GSDME: variants seen among roughly 807,000 people sequenced by gnomAD.
GSDME encodes gasdermin E, also known as gasdermin-E.
GSDME carries 44 observed loss-of-function variants against 47.5 expected under a neutral mutation model. The ratio of observed to expected loss-of-function variants is 0.93; its 90% CI spans 0.73 to 1.19. GSDME has a LOEUF of 1.19. Among genes scored for constraint, GSDME ranks in the 50% most tolerant of loss-of-function variants. GSDME has a pLI of 0.00. For synonymous variants in GSDME, 258 were observed against 252.8 expected, an observed-to-expected ratio of 1.02 and a Z score of -0.20; for missense variants, 663 against 604.2, an observed-to-expected ratio of 1.10 and a Z score of -1.02.
At chr7:24,707,084 A>T (rs181955539) in intron 7 of GSDME, among the ~76,000 whole-genome samples, 42 of 152,322 alleles carry the variant, frequency 2.8e-4, no homozygotes, top group African/African-American at 9.9e-4. Flanking sequence ...CCCACCCTCT[A>T]GAATGCAAAT....
chr7:24,745,127 C>T lies in GSDME; in HGVS notation c.212-373G>A, dbSNP rs559693043. Among the ~76,000 whole-genome samples the T allele has an allele frequency of 1.8e-4, 27 of 152,028 alleles. No homozygotes were observed. The highest frequency in any genetic ancestry group is 9.8e-4 in the Admixed American group (15 of 15,274). ...CAATCCCAATACGTATAGAAAGGTG[C>T]ACAGAAAGGACTAATGAATAAAGTT... On this transcript the variant is annotated intron_variant, in intron 2 of 9. Coordinates refer to ENST00000645220, the MANE Select transcript of GSDME (RefSeq NM_001127453.2). This position sits in a 1 kb window ranked among gnomAD's most constrained non-coding sequence, Gnocchi z 4.4.
At chr7:24,710,416 A>G (rs1343658417) in intron 5 of GSDME, 28 bp from the exon 6 acceptor site, 1 of 1,613,856 alleles carries the variant, frequency 6.2e-7, no homozygotes. Context: ...AGGACAAGTT[A>G]GGTAAAGTTG....
the GSDME span, among the ~76,000 whole-genome samples, chr7:24,781,938 G>A: frequency 6.6e-6 from 1 of 152,038 alleles, no homozygotes; most frequent in African/African-American, 2.4e-5. Context: ...TAGAAAGGAT[G>A]TCTTGCTATG....
chr7:24,701,355 G>A (rs980482123), intron 9 of GSDME, among the ~76,000 whole-genome samples: 1 of 152,240 alleles, frequency 6.6e-6, no homozygotes, highest in African/African-American at 2.4e-5. Context: ...AACTCCGAAT[G>A]TGTTCTGGCT....
At chr7:24,715,812 C>T (rs1047200625) in intron 5 of GSDME, among the ~76,000 whole-genome samples, 16 of 152,202 alleles carry the variant, frequency 1.1e-4, no homozygotes, top group African/African-American at 3.1e-4. Flanking sequence ...ACCTCTTTGA[C>T]CAACTGCTTC....
intron 3 of GSDME, among the ~76,000 whole-genome samples, chr7:24,719,890 C>A (rs1001081562): frequency 6.6e-6 from 1 of 152,108 alleles, no homozygotes; most frequent in South Asian, 2.1e-4. Flanking sequence ...TTAATCAGAG[C>A]TGAAGGATGT....
Position 24,744,836 on chromosome 7 carries a change from G to T in GSDME, c.212-82C>A. The T allele has an allele frequency of 6.8e-7, 1 of 1,468,136 alleles. No homozygotes were observed. Among genetic ancestry groups the T allele is most frequent in the Non-Finnish European group, 9.4e-7 (1 of 1,063,134 alleles). 90.9% of individuals were successfully genotyped at this position (1,468,136 alleles called of 1,614,324 possible). ...TTGGGTCATTTAGCTTTCCAAGCCTGTGCAGAGCCCCGGAAAGCAGAAGGC... is the reference window on the plus strand; with the variant it reads ...TTGGGTCATTTAGCTTTCCAAGCCTTTGCAGAGCCCCGGAAAGCAGAAGGC... On this transcript the variant is annotated intron_variant, in intron 2 of 9. Transcript: ENST00000645220. The surrounding 1 kb of genome is among the most constrained non-coding windows in gnomAD (Gnocchi z 4.5).
chr7:24,741,876 C>A (rs1790503630), intron 3 of GSDME, among the ~76,000 whole-genome samples: 1 of 152,194 alleles, frequency 6.6e-6, no homozygotes, highest in African/African-American at 2.4e-5. Context: ...GAAGTCTTCC[C>A]TTCCCGCCCC....
chr7:24,779,498 G>GGTGTGT, the GSDME span, among the ~76,000 whole-genome samples: 852 of 143,104 alleles, frequency 6.0e-3, 7 homozygotes, highest in East Asian at 0.021. This position sits in a 1 kb window ranked among gnomAD's most constrained non-coding sequence, Gnocchi z 6.0. Flanking sequence ...AGTGATACAT[G>GGTGTGT]GTGTGTGTGT....
At chr7:24,786,831 TA>T in the GSDME span, among the ~76,000 whole-genome samples, 1 of 152,164 alleles carries the variant, frequency 6.6e-6, no homozygotes, top group Admixed American at 6.5e-5. This position sits in a 1 kb window ranked among gnomAD's most constrained non-coding sequence, Gnocchi z 5.5. Context: ...TTCATCACAA[TA>T]AAAAAACAGC....
At position 24,726,590 on chromosome 7, in the gene GSDME, G is replaced by A. The variant is rs548865561; in HGVS notation, c.405-7372C>T. ...TGTTATCCCAGCACTTTGGGAGGCC[G>A]AGGCGGGCGGATCACGAGGTCAGGA... is the stretch of plus-strand genomic sequence containing the variant. On this transcript the variant is annotated intron_variant, in intron 3 of 9. Transcript: ENST00000645220. This position sits in a 1 kb window ranked among gnomAD's most constrained non-coding sequence, Gnocchi z 5.6. Among the ~76,000 whole-genome samples, 6 of 152,284 alleles carry A rather than the reference G, an allele frequency of 3.9e-5. No individual in the cohort carries two copies. Among genetic ancestry groups the A allele is most frequent in the East Asian group, 3.9e-4 (2 of 5,182 alleles).
Position 24,721,527 on chromosome 7 carries a change from G to GTAACAGGGCCC in GSDME, c.405-2320_405-2310dup, listed in dbSNP as rs1333349514. 2.0e-5 allele frequency among the ~76,000 whole-genome samples: 3 copies of GTAACAGGGCCC among 152,194 alleles called. No individual in the cohort carries two copies. Among genetic ancestry groups the GTAACAGGGCCC allele is most frequent in the African/African-American group, 7.2e-5 (3 of 41,440 alleles). On this transcript the variant is annotated intron_variant, in intron 3 of 9. Transcript: ENST00000645220. This position sits in a 1 kb window ranked among gnomAD's most constrained non-coding sequence, Gnocchi z 4.1. Reference sequence around the variant, plus strand: ...AGGTTTTCTCGTGCATGAACTGTTGGTAACAGGGCCCCCTCCTCATGGGGT... The same window carrying GTAACAGGGCCC: ...AGGTTTTCTCGTGCATGAACTGTTGGTAACAGGGCCCTAACAGGGCCCCCTCCTCATGGGGT...
At chr7:24,704,479 A>G (rs1789012344) in intron 8 of GSDME, 1 of 152,236 alleles carries the variant, frequency 6.6e-6, no homozygotes, top group Non-Finnish European at 1.5e-5. Context: ...TGAACTCAGA[A>G]GGGCGGAGGA....
chr7:24,716,929 G>T lies in GSDME; in HGVS notation c.697+325C>A. 2.6e-6 allele frequency: 1 copy of T among 391,228 alleles called. No individual in the cohort carries two copies. Among genetic ancestry groups the T allele is most frequent in the Non-Finnish European group, 4.9e-6 (1 of 203,686 alleles). The allele number at this position is 391,228 out of a possible 1,614,324, so 24.2% of individuals were successfully genotyped here. A position where few individuals can be genotyped will look rare whatever the true frequency, so the allele number is the denominator to read the frequency against. Reference sequence around the variant, plus strand: ...CCTCATAGGACATCATGGCACCGGGGTTGATGCCCAGTGTGTCTGATGCAG... The same window carrying T: ...CCTCATAGGACATCATGGCACCGGGTTTGATGCCCAGTGTGTCTGATGCAG... On this transcript the variant is annotated intron_variant, in intron 5 of 9. Coordinates refer to ENST00000645220, the MANE Select transcript of GSDME (RefSeq NM_001127453.2). The surrounding 1 kb of genome is among the most constrained non-coding windows in gnomAD (Gnocchi z 4.5).
At chr7:24,775,387 T>A in the GSDME span, among the ~76,000 whole-genome samples, 6 of 152,218 alleles carry the variant, frequency 3.9e-5, no homozygotes, top group Non-Finnish European at 7.3e-5. Flanking sequence ...ATCCGTTTAA[T>A]TAGGAAGCTA....
chr7:24,741,346 C>G (rs1372804657), intron 3 of GSDME, among the ~76,000 whole-genome samples: 3 of 151,308 alleles, frequency 2.0e-5, no homozygotes, highest in African/African-American at 7.3e-5. Flanking sequence ...ATCCGAGTCA[C>G]TATGAAAAAG....
rs904164735 is a variant in GSDME, at chr7:24,705,777, CAAGTTTGCA to C, written c.1183+398_1183+406del. 6 of 333,158 alleles carry C rather than the reference CAAGTTTGCA, an allele frequency of 1.8e-5. No homozygotes were observed. The highest frequency in any genetic ancestry group is 1.1e-4 in the African/African-American group (5 of 46,502). The allele number at this position is 333,158 out of a possible 1,614,324, so 20.6% of individuals were successfully genotyped here. The stretch of plus-strand genomic sequence containing the variant: ...CAGGAGCACGCAGGGTGGGGAATAA[CAAGTTTGCA>C]AAGATCAGAAGGACTGAAATGCTGG... On this transcript the variant is annotated intron_variant, in intron 8 of 9. Transcript: ENST00000645220. The surrounding 1 kb of genome is among the most constrained non-coding windows in gnomAD (Gnocchi z 4.1).
intron 3 of GSDME, among the ~76,000 whole-genome samples, chr7:24,723,850 G>A (rs547979799): frequency 6.6e-6 from 1 of 152,324 alleles, no homozygotes; most frequent in East Asian, 1.9e-4. Flanking sequence ...AGTAGATGGA[G>A]GCTGGAAAAG....
Position 24,756,369 on chromosome 7 carries a change from C to G in GSDME, c.-20+1027G>C, listed in dbSNP as rs1194062693. On this transcript the variant is annotated intron_variant, in intron 1 of 9. Coordinates refer to ENST00000645220, the MANE Select transcript of GSDME (RefSeq NM_001127453.2). The surrounding 1 kb of genome is among the most constrained non-coding windows in gnomAD (Gnocchi z 4.2). ...GAGCGAGACCCTCTCTCAACAATAACAAAGAACCTAGCCAAGGGACCGTGG... is the reference window on the plus strand; with the variant it reads ...GAGCGAGACCCTCTCTCAACAATAAGAAAGAACCTAGCCAAGGGACCGTGG... Among the ~76,000 whole-genome samples the G allele has an allele frequency of 6.6e-6, 1 of 152,168 alleles. No individual in the cohort carries two copies. The highest frequency in any genetic ancestry group is 1.5e-5 in the Non-Finnish European group (1 of 68,026).
Sources: gnomAD v4.1 joint callset for allele counts (sites outside exome capture counted in the v4.1 genomes callset) on GRCh38, gnomAD v4.1.1 for gene constraint, Gnocchi (gnomAD v3.1) non-coding constraint, MANE v1.5 for transcripts, NCBI Gene and HGNC (gene_info 2026-07-23, HGNC 2026-07-21) for gene names.